RBMS3: variants seen among roughly 807,000 people sequenced by gnomAD.
The protein encoded by RBMS3 is RNA-binding motif, single-stranded-interacting protein 3.
In RBMS3, 27 loss-of-function variants were observed where a neutral mutation model predicts 66.8. The observed-to-expected ratio is 0.40, with a 90% CI of 0.30 to 0.56. The LOEUF is 0.56. Ranked by LOEUF, RBMS3 falls within the 20% of genes least tolerant of loss-of-function variation. The pLI is 0.40. For synonymous variants in RBMS3, 188 were observed against 183.0 expected (o/e 1.03, Z -0.22); for missense variants, 513 against 549.5 (o/e 0.93, Z 0.66).
chr3:29,899,874 T>C, intron 10 of RBMS3, 119 bp downstream of exon 10: 1 of 922,440 alleles, frequency 1.1e-6, no homozygotes, highest in South Asian at 1.6e-5. Context: ...CAGGCAGCCA[T>C]ATTCTCCAGA....
chr3:29,672,813 G>T (rs2051063822), intron 4 of RBMS3, among the ~76,000 whole-genome samples: 1 of 152,144 alleles, frequency 6.6e-6, no homozygotes, highest in South Asian at 2.1e-4. Context: ...AAGAGGCTTA[G>T]ACTCCCACAC....
At chr3:29,838,310 G>T (rs955425025) in intron 6 of RBMS3, among the ~76,000 whole-genome samples, 1 of 151,906 alleles carries the variant, frequency 6.6e-6, no homozygotes, top group African/African-American at 2.4e-5. Context: ...TTGTACTCTA[G>T]CCTGGGTGAT....
intron 3 of RBMS3, among the ~76,000 whole-genome samples, chr3:29,498,963 C>T (rs1383955589): frequency 6.6e-6 from 1 of 151,922 alleles, no homozygotes; most frequent in African/African-American, 2.4e-5. Context: ...TGAAAGATAC[C>T]TTTTGGTGTT....
At chr3:29,310,911 G>C (rs2034334011) in intron 1 of RBMS3, among the ~76,000 whole-genome samples, 1 of 151,712 alleles carries the variant, frequency 6.6e-6, no homozygotes. Flanking sequence ...TCTGTTATTA[G>C]ATAAAAGTGA....
At position 29,960,451 on chromosome 3, in the gene RBMS3, A is replaced by G. The variant is rs1235720520; in HGVS notation, c.1098+16197A>G. Among the ~76,000 whole-genome samples the G allele has an allele frequency of 1.7e-4, 26 of 152,138 alleles. 1 individual carries two copies. Among genetic ancestry groups the G allele is most frequent in the Admixed American group, 1.7e-3 (26 of 15,284 alleles). On this transcript the variant is annotated intron_variant, in intron 12 of 14. Transcript: ENST00000383767. ...GTGGCTTTTCCAGGTACACAGTGCA[A>G]GCTGTTGGTGGATCTACCATTCTGG...
At chr3:29,985,566 G>A (rs768804406) in intron 12 of RBMS3, among the ~76,000 whole-genome samples, 1 of 152,130 alleles carries the variant, frequency 6.6e-6, no homozygotes, top group African/African-American at 2.4e-5. Context: ...GTTCCTTACC[G>A]CACAGTCCCT....
chr3:30,005,656 T>C lies in RBMS3; in HGVS notation c.*1794T>C, dbSNP rs1220118507. 1 of 151,972 alleles carries C rather than the reference T, an allele frequency of 6.6e-6. No homozygotes were observed. Among genetic ancestry groups the C allele is most frequent in the African/African-American group, 2.4e-5 (1 of 41,516 alleles). 9.4% of individuals were successfully genotyped at this position (151,972 alleles called of 1,614,324 possible). The stretch of plus-strand genomic sequence containing the variant: ...CATCACCTACCATGAATAGTCACCT[T>C]GGTTTTGCAAATGGGGAGGGGGTAT... On this transcript the variant is annotated 3_prime_UTR_variant, in exon 15 of 15. Coordinates refer to ENST00000383767, the MANE Select transcript of RBMS3 (RefSeq NM_001003793.3).
chr3:29,286,562 AATAGCACAAAATT>A lies in RBMS3; in HGVS notation c.75+4822_75+4834del, dbSNP rs575553382. 5.4e-3 allele frequency among the ~76,000 whole-genome samples: 829 copies of A among 152,254 alleles called. 4 individuals carry two copies. Among genetic ancestry groups the A allele is most frequent in the Non-Finnish European group, 7.8e-3 (530 of 68,002 alleles). On this transcript the variant is annotated intron_variant, in intron 1 of 14. Coordinates refer to ENST00000383767, the MANE Select transcript of RBMS3 (RefSeq NM_001003793.3). ...TCACTTTCTTTCAATTTGGAAAAAA[AATAGCACAAAATT>A]ATAGCACAAAATTATTTCCATGAAG... is the stretch of plus-strand genomic sequence containing the variant.
intron 3 of RBMS3, among the ~76,000 whole-genome samples, chr3:29,574,460 G>A (rs548907672): frequency 2.1e-4 from 32 of 151,590 alleles, no homozygotes; most frequent in Middle Eastern, 3.4e-3. Context: ...GTCTTTATAC[G>A]TGACGTGGGT....
At chr3:29,992,502 G>C (rs953206968) in intron 14 of RBMS3, among the ~76,000 whole-genome samples, 8 of 152,186 alleles carry the variant, frequency 5.3e-5, no homozygotes, top group Non-Finnish European at 1.0e-4. Flanking sequence ...GGGGGGCTGA[G>C]GCAGGAGAAT....
At chr3:29,605,727 G>A (rs551716605) in intron 4 of RBMS3, among the ~76,000 whole-genome samples, 49 of 151,880 alleles carry the variant, frequency 3.2e-4, no homozygotes, top group Admixed American at 5.3e-4. Context: ...ACAGCTTTGG[G>A]ACCCTTTTTT....
intron 6 of RBMS3, among the ~76,000 whole-genome samples, chr3:29,773,186 A>G (rs2056282622): frequency 6.6e-6 from 1 of 151,984 alleles, no homozygotes; most frequent in African/African-American, 2.4e-5. Flanking sequence ...AGCATAGACC[A>G]TGCTCACACC....
chr3:29,810,987 A>T (rs1190853948), intron 6 of RBMS3, among the ~76,000 whole-genome samples: 1 of 152,120 alleles, frequency 6.6e-6, no homozygotes, highest in African/African-American at 2.4e-5. Flanking sequence ...TTGTCTCCAT[A>T]AAATTGCATT....
intron 6 of RBMS3, among the ~76,000 whole-genome samples, chr3:29,817,277 C>A (rs2057939346): frequency 6.8e-6 from 1 of 147,028 alleles, no homozygotes; most frequent in African/African-American, 2.6e-5. Flanking sequence ...AAACTCCTCT[C>A]ACTGCAACCA....
intron 12 of RBMS3, among the ~76,000 whole-genome samples, chr3:29,962,002 A>C (rs1251041368): frequency 6.9e-6 from 1 of 145,698 alleles, no homozygotes; most frequent in African/African-American, 2.5e-5. Flanking sequence ...TATAATATAT[A>C]TATTATATAT....
At chr3:29,883,573 CCTT>C (rs1432744538) in intron 7 of RBMS3, among the ~76,000 whole-genome samples, 10 of 151,966 alleles carry the variant, frequency 6.6e-5, no homozygotes, top group Admixed American at 5.9e-4. Flanking sequence ...ATAACTACCT[CCTT>C]ATTAGCCATG....
Position 29,814,959 on chromosome 3 carries a change from G to A in RBMS3, c.637+51970G>A, listed in dbSNP as rs189456014. On this transcript the variant is annotated intron_variant, in intron 6 of 14. Transcript: ENST00000383767. ...AAAGTTACAGAATGAGTGTTTCCTT[G>A]AAAAATCTAAGAGGATGCATCTCTT... Among the ~76,000 whole-genome samples the A allele has an allele frequency of 3.7e-4, 56 of 152,172 alleles. No individual in the cohort carries two copies. In the East Asian group the frequency reaches 0.01, roughly 27 times the overall value.
At chr3:29,867,959 T>C (rs886237762) in intron 6 of RBMS3, among the ~76,000 whole-genome samples, 2 of 152,096 alleles carry the variant, frequency 1.3e-5, no homozygotes, top group African/African-American at 4.8e-5. Context: ...TAAAAAAGTT[T>C]GTCAGGCCAC....
intron 4 of RBMS3, among the ~76,000 whole-genome samples, chr3:29,676,247 G>A (rs1227419325): frequency 6.6e-6 from 1 of 152,104 alleles, no homozygotes; most frequent in Non-Finnish European, 1.5e-5. Flanking sequence ...GACACAGGGT[G>A]GGGAGCATCA....
Sources: allele counts gnomAD v4.1 joint callset (sites outside exome capture counted in the v4.1 genomes callset), GRCh38; gene constraint gnomAD v4.1.1; transcripts MANE v1.5; gene names NCBI Gene and HGNC (gene_info 2026-07-23, HGNC 2026-07-21).